Variants in BAG4 observed in about 807,000 individuals in gnomAD.
The protein encoded by BAG4 is BAG family molecular chaperone regulator 4.
BAG4 carries 28 observed loss-of-function variants against 52.1 expected under a neutral mutation model. That is an observed-to-expected ratio of 0.54 (90% CI 0.40 to 0.74). The LOEUF (loss-of-function observed/expected upper bound fraction) is 0.74. Among genes scored for constraint, BAG4 ranks in the 30% least tolerant of loss-of-function variants. BAG4 has a pLI of 0.00. For synonymous variants in BAG4, 208 were observed against 217.0 expected, an observed-to-expected ratio of 0.96 and a Z score of 0.37; for missense variants, 525 against 572.0, an observed-to-expected ratio of 0.92 and a Z score of 0.84.
chr8:38,199,779 T>C (rs1298489777), intron 2 of BAG4, among the ~76,000 whole-genome samples: 4 of 152,096 alleles, frequency 2.6e-5, no homozygotes, highest in Non-Finnish European at 5.9e-5. Flanking sequence ...TGCCTCAGCT[T>C]CCCAAAGTGC....
intron 2 of BAG4, among the ~76,000 whole-genome samples, chr8:38,205,202 ATT>A (rs35284937): frequency 2.8e-4 from 22 of 79,312 alleles, no homozygotes; most frequent in East Asian, 8.9e-4. Context: ...CAGCTAATTA[ATT>A]TTTTTTTTTT....
At chr8:38,184,138 T>A (rs964559381) in intron 1 of BAG4, among the ~76,000 whole-genome samples, 1 of 151,994 alleles carries the variant, frequency 6.6e-6, no homozygotes, top group African/African-American at 2.4e-5. Context: ...GGCTGGGGAA[T>A]AAAGGGAAGA....
intron 1 of BAG4, 62 bp from the exon 2 acceptor site, chr8:38,192,626 A>G (rs1803495219): frequency 2.3e-6 from 3 of 1,329,830 alleles, no homozygotes; most frequent in East Asian, 2.3e-5. Flanking sequence ...GCCTCTATCA[A>G]TCTATCTTAA....
chr8:38,196,768 T>C (rs180720382), intron 2 of BAG4, among the ~76,000 whole-genome samples: 1 of 151,948 alleles, frequency 6.6e-6, no homozygotes, highest in East Asian at 1.9e-4. Flanking sequence ...ATATCTTGTT[T>C]GGAGAAATGT....
At chr8:38,193,702 A>G (rs921048620) in intron 2 of BAG4, among the ~76,000 whole-genome samples, 2 of 149,516 alleles carry the variant, frequency 1.3e-5, no homozygotes, top group African/African-American at 4.9e-5. Flanking sequence ...AGTAGCTGGG[A>G]CTACAGGCAC....
At chr8:38,209,379 T>G in intron 4 of BAG4, 112 bp downstream of exon 4, 2 of 1,426,840 alleles carry the variant, frequency 1.4e-6, no homozygotes, top group Non-Finnish European at 1.9e-6. Context: ...TACAAAAAGT[T>G]GGTGACTACT....
At chr8:38,191,500 T>G (rs1178175938) in intron 1 of BAG4, among the ~76,000 whole-genome samples, 2 of 152,226 alleles carry the variant, frequency 1.3e-5, no homozygotes, top group Non-Finnish European at 2.9e-5. Context: ...GGCTCACGCC[T>G]GTAATTCCAG....
intron 2 of BAG4, among the ~76,000 whole-genome samples, chr8:38,196,942 T>C (rs1335449073): frequency 6.6e-6 from 1 of 151,874 alleles, no homozygotes; most frequent in Non-Finnish European, 1.5e-5. Context: ...CTGGGCGTGG[T>C]GGCAGGCGCT....
rs765457265 is a variant in BAG4, at chr8:38,210,083, G to A, written c.964G>A (p.Glu322Lys). Residue 322 changes from glutamate to lysine, a missense_variant, in exon 5 of 5, where the codon GAA (glutamate) becomes AAA (lysine). Around this residue, in one of 2 missense-constraint regions of BAG4, gnomAD observed 238 missense variants for 305.8 expected, o/e 0.78. Coordinates refer to ENST00000287322, the MANE Select transcript of BAG4 (RefSeq NM_004874.4). ...HNFPCSVHQY[E>K]SSGTVNNDDS... The stretch of plus-strand genomic sequence containing the variant: ...CTTTCCTTGCAGTGTCCATCAGTAC[G>A]AATCCTCGGGGACAGTGAACAATGA... 17 of 1,614,004 alleles carry A rather than the reference G, an allele frequency of 1.1e-5. No homozygotes were observed. Among genetic ancestry groups the A allele is most frequent in the Non-Finnish European group, 1.4e-5 (16 of 1,180,040 alleles).
At chr8:38,199,812 T>C (rs7015996) in intron 2 of BAG4, among the ~76,000 whole-genome samples, 36,668 of 151,816 alleles carry the variant, frequency 0.24, 4,589 homozygotes, top group East Asian at 0.31. Flanking sequence ...CGTGAGCCAC[T>C]GCGCCCAGCC....
rs1307145865 is a variant in BAG4, at chr8:38,211,037, G to A, written c.*544G>A. On this transcript the variant is annotated 3_prime_UTR_variant, in exon 5 of 5. Transcript: ENST00000287322. ...TATTCTCTACTTCTTGGTACATTTT[G>A]TAGTAATATGTTTAATATAATTATT... 3 of 152,528 alleles carry A rather than the reference G, an allele frequency of 2.0e-5. No individual in the cohort carries two copies. Among genetic ancestry groups the A allele is most frequent in the Non-Finnish European group, 2.9e-5 (2 of 68,158 alleles). The allele number at this position is 152,528 out of a possible 1,614,324, so 9.4% of individuals were successfully genotyped here.
intron 2 of BAG4, among the ~76,000 whole-genome samples, chr8:38,205,202 ATTTTTTTTTTTTTTTT>A (rs35284937): frequency 1.3e-5 from 1 of 79,240 alleles, no homozygotes; most frequent in South Asian, 5.7e-4. Flanking sequence ...CAGCTAATTA[ATTTTTTTTTTTTTTTT>A]TTTTTTTTTT....
At chr8:38,195,100 C>T (rs998069601) in intron 2 of BAG4, among the ~76,000 whole-genome samples, 4 of 151,596 alleles carry the variant, frequency 2.6e-5, no homozygotes, top group Non-Finnish European at 4.4e-5. Flanking sequence ...GTGATCCACC[C>T]GTCTCGGCCT....
intron 1 of BAG4, among the ~76,000 whole-genome samples, chr8:38,183,531 A>G (rs1295097439): frequency 1.3e-5 from 2 of 152,202 alleles, no homozygotes; most frequent in Admixed American, 1.3e-4. Flanking sequence ...AGACAGACGG[A>G]AAGCATAAGG....
intron 3 of BAG4, among the ~76,000 whole-genome samples, chr8:38,208,476 A>AT (rs1432224811): frequency 3.0e-5 from 4 of 135,060 alleles, no homozygotes; most frequent in Admixed American, 7.5e-5. Flanking sequence ...CGCCCAGCTA[A>AT]TTTTTTTTGT....
At position 38,178,270 on chromosome 8, in the gene BAG4, T is replaced by C. The variant is rs571755647; in HGVS notation, c.270+1131T>C. 1.2e-4 allele frequency among the ~76,000 whole-genome samples: 18 copies of C among 151,304 alleles called. No homozygotes were observed. In the South Asian group the frequency reaches 2.3e-3, roughly 20 times the overall value. On this transcript the variant is annotated intron_variant, in intron 1 of 4. Coordinates refer to ENST00000287322, the MANE Select transcript of BAG4 (RefSeq NM_004874.4). ...TCCCGGTTTAAGCGATTCTCCTGCCTCAGCCTCTCGAGTAGCTAGGATTAC... is the reference window on the plus strand; with the variant it reads ...TCCCGGTTTAAGCGATTCTCCTGCCCCAGCCTCTCGAGTAGCTAGGATTAC...
intron 2 of BAG4, among the ~76,000 whole-genome samples, chr8:38,197,332 G>C (rs958621423): frequency 6.6e-6 from 1 of 152,160 alleles, no homozygotes; most frequent in African/African-American, 2.4e-5. Flanking sequence ...ATAGCCTATG[G>C]CTTCTAGGCT....
chr8:38,203,233 G>A (rs1803710530), intron 2 of BAG4, among the ~76,000 whole-genome samples: 1 of 152,002 alleles, frequency 6.6e-6, no homozygotes, highest in Non-Finnish European at 1.5e-5. Flanking sequence ...TCATTGCTAA[G>A]CGAGTGTTCT....
At chr8:38,184,838 C>T (rs1803337592) in intron 1 of BAG4, among the ~76,000 whole-genome samples, 1 of 152,162 alleles carries the variant, frequency 6.6e-6, no homozygotes, top group Non-Finnish European at 1.5e-5. Context: ...CGCCTATAAT[C>T]CCAGCGCTTT....
Sources: allele counts gnomAD v4.1 joint callset (sites outside exome capture counted in the v4.1 genomes callset), GRCh38; gene constraint gnomAD v4.1.1; regional missense constraint gnomAD v4.1.1; transcripts MANE v1.5; gene names NCBI Gene and HGNC (gene_info 2026-07-23, HGNC 2026-07-21).